The following ETV5 variants were observed in gnomAD, a reference collection of about 807,000 sequenced individuals.
The protein encoded by ETV5 is ETS variant transcription factor 5.
A neutral mutation model predicts 70.0 loss-of-function variants in ETV5; 10 were observed. The ratio of observed to expected loss-of-function variants is 0.14; its 90% confidence interval spans 0.09 to 0.24. ETV5 has a LOEUF of 0.24. Ranked by LOEUF, ETV5 falls within the 10% of genes least tolerant of loss-of-function variation. The pLI is 1.00. For synonymous variants in ETV5, 216 were observed against 242.2 expected (o/e 0.89, Z 1.01); for missense variants, 453 against 651.2 (o/e 0.70, Z 3.31).
intron 9 of ETV5, 118 bp downstream of exon 9, chr3:186,064,299 G>T: frequency 1.1e-6 from 1 of 934,942 alleles, no homozygotes; most frequent in Non-Finnish European, 1.7e-6. Context: ...TTAAGCTTGG[G>T]TATTAGTCAA....
At chr3:186,062,825 C>T (rs1229003674) in intron 9 of ETV5, among the ~76,000 whole-genome samples, 12 of 152,082 alleles carry the variant, frequency 7.9e-5, no homozygotes, top group Admixed American at 7.9e-4. Context: ...TTTACATATG[C>T]ACAGCAAAGA....
At chr3:186,102,778 C>T (rs895967469) in intron 5 of ETV5, among the ~76,000 whole-genome samples, 3 of 152,004 alleles carry the variant, frequency 2.0e-5, no homozygotes, top group African/African-American at 4.8e-5. Flanking sequence ...AAAAAAATCA[C>T]GAGCTCTTCC....
At position 186,057,323 on chromosome 3, in the gene ETV5, T is replaced by C. The variant is rs775899250; in HGVS notation, c.1040-79A>G. 2 of 1,607,552 alleles carry C rather than the reference T, an allele frequency of 1.2e-6. No individual in the cohort carries two copies. The highest frequency in any genetic ancestry group is 1.7e-6 in the Non-Finnish European group (2 of 1,174,552). On this transcript the variant is annotated intron_variant, in intron 10 of 12. Coordinates refer to ENST00000306376, the MANE Select transcript of ETV5 (RefSeq NM_004454.3). This position sits in a 1 kb window ranked among gnomAD's most constrained non-coding sequence, Gnocchi z 4.9. The stretch of plus-strand genomic sequence containing the variant: ...GGTTGGGACAAAAAGGAGTTGTTCA[T>C]GCTGATTTAATCACTGGACTTGGGA...
chr3:186,084,460 TCTTC>T (rs1418383210), intron 5 of ETV5, among the ~76,000 whole-genome samples: 1 of 136,342 alleles, frequency 7.3e-6, no homozygotes, highest in Non-Finnish European at 1.5e-5. Flanking sequence ...TTTCTTTCTG[TCTTC>T]ATTCATTCAT....
At chr3:186,084,876 C>T (rs921618529) in intron 5 of ETV5, among the ~76,000 whole-genome samples, 3 of 152,130 alleles carry the variant, frequency 2.0e-5, no homozygotes, top group Non-Finnish European at 4.4e-5. Flanking sequence ...ATACCACTTA[C>T]ACCTGTTTAA....
chr3:186,079,759 G>T (rs2150149182), intron 7 of ETV5, 58 bp downstream of exon 7: 2 of 1,511,334 alleles, frequency 1.3e-6, no homozygotes, highest in Non-Finnish European at 1.8e-6. Flanking sequence ...CCCTCTCCCA[G>T]TGAGAAAGGA....
At chr3:186,064,700 G>GAAAA in intron 8 of ETV5, 1 of 524,112 alleles carries the variant, frequency 1.9e-6, no homozygotes, top group Non-Finnish European at 3.4e-6. Context: ...AGTCACGGGA[G>GAAAA]GAAAAAAAAG....
At chr3:186,055,591 C>T (rs903414072) in intron 11 of ETV5, among the ~76,000 whole-genome samples, 3 of 152,202 alleles carry the variant, frequency 2.0e-5, no homozygotes, top group African/African-American at 7.2e-5. Context: ...GAATATAAAA[C>T]AGGGAACACA....
chr3:186,101,585 C>G lies in ETV5; in HGVS notation c.232+3720G>C, dbSNP rs148080752. ...GAGAAGTGAGTGCTGAATTGGACAG[C>G]CAGAGGCCTCCCAGATGCTTTCCTG... is the stretch of plus-strand genomic sequence containing the variant. On this transcript the variant is annotated intron_variant, in intron 5 of 12. Transcript: ENST00000306376. 2.1e-3 allele frequency among the ~76,000 whole-genome samples: 315 copies of G among 152,272 alleles called. 1 individual carries two copies. Among genetic ancestry groups the G allele is most frequent in the African/African-American group, 7.4e-3 (306 of 41,538 alleles).
intron 5 of ETV5, among the ~76,000 whole-genome samples, chr3:186,103,240 T>G (rs1338284242): frequency 6.6e-6 from 1 of 152,190 alleles, no homozygotes; most frequent in African/African-American, 2.4e-5. Context: ...GAATTTTAAT[T>G]AAAGAACTTA....
chr3:186,096,513 T>C (rs553307816), intron 5 of ETV5, among the ~76,000 whole-genome samples: 10 of 152,028 alleles, frequency 6.6e-5, no homozygotes, highest in African/African-American at 1.7e-4. Flanking sequence ...ACAGCTGATA[T>C]CTAGGGTTAC....
chr3:186,057,263 C>T lies in ETV5; in HGVS notation c.1040-19G>A. ...ACTTTGCCTGTTTGGGACAAGGACACATCACACAATAGCTTAGTCCTAAGT... is the reference window on the plus strand; with the variant it reads ...ACTTTGCCTGTTTGGGACAAGGACATATCACACAATAGCTTAGTCCTAAGT... On this transcript the variant is annotated intron_variant, in intron 10 of 12. Coordinates refer to ENST00000306376, the MANE Select transcript of ETV5 (RefSeq NM_004454.3). This position sits in a 1 kb window ranked among gnomAD's most constrained non-coding sequence, Gnocchi z 4.9. The T allele has an allele frequency of 6.2e-7, 1 of 1,614,014 alleles. No individual in the cohort carries two copies. Among genetic ancestry groups the T allele is most frequent in the Non-Finnish European group, 8.5e-7 (1 of 1,179,918 alleles).
chr3:186,066,695 A>C (rs554814931), intron 7 of ETV5, among the ~76,000 whole-genome samples: 7 of 152,204 alleles, frequency 4.6e-5, no homozygotes, highest in Non-Finnish European at 1.0e-4. Flanking sequence ...CTGAAAATTA[A>C]TCTATAAAAG....
intron 12 of ETV5, 123 bp from the exon 13 acceptor site, chr3:186,048,983 C>T (rs992432773): frequency 1.7e-5 from 13 of 743,434 alleles, no homozygotes; most frequent in Non-Finnish European, 2.7e-5. Context: ...ACCCCAATCA[C>T]TCAGACTTAT....
At chr3:186,058,181 A>AGGC (rs1713213396) in intron 9 of ETV5, among the ~76,000 whole-genome samples, 2 of 152,206 alleles carry the variant, frequency 1.3e-5, no homozygotes, top group Non-Finnish European at 2.9e-5. Context: ...AGGCAAGGCA[A>AGGC]AAAGTTAAAG....
intron 7 of ETV5, chr3:186,077,930 C>G: frequency 1.1e-6 from 1 of 941,692 alleles, no homozygotes. Context: ...CAGAGTATAA[C>G]AAGAAGTAAG....
intron 5 of ETV5, among the ~76,000 whole-genome samples, chr3:186,100,620 C>T (rs1030172665): frequency 2.0e-5 from 3 of 152,158 alleles, no homozygotes; most frequent in African/African-American, 7.2e-5. Context: ...TATGAAAAGT[C>T]GATTTTATCA....
chr3:186,066,762 A>C (rs1365787952), intron 7 of ETV5, among the ~76,000 whole-genome samples: 1 of 152,262 alleles, frequency 6.6e-6, no homozygotes, highest in African/African-American at 2.4e-5. Flanking sequence ...TTGAAAAGGC[A>C]TAAGGACCCA....
At chr3:186,095,852 G>A (rs774875037) in intron 5 of ETV5, among the ~76,000 whole-genome samples, 1 of 152,216 alleles carries the variant, frequency 6.6e-6, no homozygotes, top group Non-Finnish European at 1.5e-5. Flanking sequence ...CCAGCTGGAG[G>A]CTGGGGCAGC....
Sources: allele counts gnomAD v4.1 joint callset (sites outside exome capture counted in the v4.1 genomes callset), GRCh38; gene constraint gnomAD v4.1.1; non-coding constraint Gnocchi (gnomAD v3.1); transcripts MANE v1.5; gene names NCBI Gene and HGNC (gene_info 2026-07-23, HGNC 2026-07-21).